ROS1: variants seen among roughly 807,000 people sequenced by gnomAD.
ROS1 encodes the protein ROS proto-oncogene 1, receptor tyrosine kinase.
Under a neutral mutation model 273.5 loss-of-function variants are expected in ROS1, and 263 were observed. The ratio of observed to expected loss-of-function variants is 0.96; its 90% CI spans 0.87 to 1.06. ROS1 has a LOEUF of 1.06. ROS1 is among the 50% of genes least tolerant of loss of function. The probability of loss-of-function intolerance (pLI) is 0.00; values close to 1 mark genes in which losing one functional copy is unlikely to be tolerated. For missense variants in ROS1, 2,833 were observed against 2,751.1 expected, an observed-to-expected ratio of 1.03 and a Z score of -0.67; for synonymous variants, 1,008 against 954.1, an observed-to-expected ratio of 1.06 and a Z score of -1.04.
rs2128550068 is a variant in ROS1 at position 117,311,110 on chromosome 6, C to A, written c.6125G>T (p.Gly2042Val). 1.9e-6 allele frequency: 3 copies of A among 1,593,922 alleles called. No individual in the cohort carries two copies. Among genetic ancestry groups the A allele is most frequent in the Non-Finnish European group, 2.6e-6 (3 of 1,169,546 alleles). The stretch of plus-strand genomic sequence containing the variant: ...AAGGTCAACCAAGGTGAGTAAAGGA[C>A]CATAAAACTGTAAGAAATGAAAGAA... ...LRKARMATFY[G>V]PLLTLVDLVD... The change falls in exon 40 of 44, where the codon GGT becomes GTT. Residue 2042 changes from glycine (G) to valine (V), a missense_variant. Coordinates refer to ENST00000368507, the MANE Select transcript of ROS1 (RefSeq NM_001378902.1).
chr6:117,404,513 C>A, intron 5 of ROS1, 85 bp from the exon 6 acceptor site: 1 of 1,259,104 alleles, frequency 7.9e-7, no homozygotes, highest in Non-Finnish European at 1.1e-6. Flanking sequence ...TAGGGCTCTC[C>A]GTATTCTCTT....
intron 5 of ROS1, 95 bp downstream of exon 5, chr6:117,409,487 C>T (rs1774719294): frequency 2.3e-6 from 2 of 856,116 alleles, no homozygotes; most frequent in African/African-American, 3.3e-5. Context: ...ATGCAGAAAT[C>T]AAGATGTTTT....
chr6:117,339,669 G>C (rs1777768995), intron 31 of ROS1, among the ~76,000 whole-genome samples: 2 of 152,100 alleles, frequency 1.3e-5, no homozygotes, highest in Non-Finnish European at 2.9e-5. Flanking sequence ...ACTCTATCTT[G>C]TATTTGCAGC....
chr6:117,418,604 C>T lies in ROS1; in HGVS notation c.124-98G>A, dbSNP rs557172379. 21 of 796,208 alleles carry T rather than the reference C, an allele frequency of 2.6e-5. No homozygotes were observed. In the African/African-American group the frequency reaches 3.1e-4, roughly 12 times the overall value. 49.3% of individuals were successfully genotyped at this position (796,208 alleles called of 1,614,324 possible). On this transcript the variant is annotated intron_variant, in intron 1 of 43. Coordinates refer to ENST00000368507, the MANE Select transcript of ROS1 (RefSeq NM_001378902.1). ...AAAGCTTCCTGAAATAACGTTGCCT[C>T]CTCCGCATTTTGTAACTCTAAAGTA...
In ROS1 at chr6:117,404,347, A is replaced by T. The variant is rs370602941; in HGVS notation, c.398T>A (p.Phe133Tyr). The change falls in exon 6 of 44, where the codon TTC (phenylalanine) becomes TAC (tyrosine). Residue 133 changes from phenylalanine (F) to tyrosine (Y), a missense_variant. Transcript: ENST00000368507. ...NMTLRWKSAN[F>Y]SGVKYIIQWK... ...CTGAATGATGTATTTTACTCCAGAGAAGTTTGCAGATTTCCATCGTAATGT... is the reference window on the plus strand; with the variant it reads ...CTGAATGATGTATTTTACTCCAGAGTAGTTTGCAGATTTCCATCGTAATGT... 1 of 1,613,876 alleles carries T rather than the reference A, an allele frequency of 6.2e-7. No homozygotes were observed. The highest frequency in any genetic ancestry group is 8.5e-7 in the Non-Finnish European group (1 of 1,179,856).
At chr6:117,321,782 A>G (rs1776307587) in intron 35 of ROS1, among the ~76,000 whole-genome samples, 1 of 151,304 alleles carries the variant, frequency 6.6e-6, no homozygotes, top group Non-Finnish European at 1.5e-5. Context: ...AGTCACATCC[A>G]GGTTATATTC....
intron 7 of ROS1, among the ~76,000 whole-genome samples, chr6:117,397,877 T>C (rs549915112): frequency 9.2e-5 from 14 of 152,298 alleles, no homozygotes; most frequent in African/African-American, 3.4e-4. Flanking sequence ...CCAGACTCTT[T>C]CTCTCCTCTT....
chr6:117,352,931 T>G, intron 27 of ROS1, 59 bp downstream of exon 27: 869 of 1,487,802 alleles, frequency 5.8e-4, no homozygotes, highest in Non-Finnish European at 7.3e-4. Flanking sequence ...GGAGATGTTA[T>G]GAGATTTTTC....
intron 7 of ROS1, among the ~76,000 whole-genome samples, chr6:117,400,719 T>A (rs937837974): frequency 3.9e-5 from 6 of 152,184 alleles, no homozygotes; most frequent in African/African-American, 1.4e-4. Context: ...CTGTCCCTCT[T>A]CTTCTTCCCA....
chr6:117,324,145 C>T (rs1776471157), intron 35 of ROS1, among the ~76,000 whole-genome samples, 187 bp downstream of exon 35: 1 of 152,012 alleles, frequency 6.6e-6, no homozygotes, highest in Admixed American at 6.6e-5. Flanking sequence ...AATAGTTATG[C>T]CTAGATCAGA....
At chr6:117,386,867 GA>G in intron 15 of ROS1, 21 bp downstream of exon 15, 1 of 1,225,036 alleles carries the variant, frequency 8.2e-7, no homozygotes, top group South Asian at 1.3e-5. Flanking sequence ...TCATTCAAGT[GA>G]ACAGAGGACT....
chr6:117,365,763 A>G, intron 19 of ROS1, 22 bp from the exon 20 acceptor site: 24 of 1,492,508 alleles, frequency 1.6e-5, no homozygotes, highest in Non-Finnish European at 2.1e-5. Context: ...AACAAAAAAA[A>G]GAAATAGGAG....
At chr6:117,320,807 C>T (rs557452849) in intron 36 of ROS1, among the ~76,000 whole-genome samples, 51 of 152,130 alleles carry the variant, frequency 3.4e-4, no homozygotes, top group African/African-American at 9.9e-4. Context: ...TTAATTATGA[C>T]GGCAACAAAA....
intron 39 of ROS1, among the ~76,000 whole-genome samples, chr6:117,316,845 A>T (rs1374893943): frequency 6.6e-6 from 1 of 152,108 alleles, no homozygotes; most frequent in Non-Finnish European, 1.5e-5. Context: ...AAGTACAGAG[A>T]TATGCCTTTC....
intron 32 of ROS1, among the ~76,000 whole-genome samples, chr6:117,336,159 T>C (rs535554511): frequency 6.6e-6 from 1 of 152,234 alleles, no homozygotes; most frequent in African/African-American, 2.4e-5. Flanking sequence ...CTCCATTCTT[T>C]TTTTCAAATT....
rs1351039722 is a variant in ROS1 at position 117,318,228 on chromosome 6, G to T, written c.5947C>A (p.Gln1983Lys). 2 of 1,612,612 alleles carry T rather than the reference G, an allele frequency of 1.2e-6. No homozygotes were observed. The highest frequency in any genetic ancestry group is 2.7e-5 in the African/African-American group (2 of 74,854). ...VKTLKKGSTD[Q>K]EKIEFLKEAH... ...TCCTTCAGGAATTCAATCTTCTCCT[G>T]GTCTGTGGAACCCTTCTTCAAAGTC... Residue 1983 changes from glutamine to lysine, a missense_variant, in exon 38 of 44, where the codon CAG (glutamine) becomes AAG (lysine). Coordinates refer to ENST00000368507, the MANE Select transcript of ROS1 (RefSeq NM_001378902.1).
intron 7 of ROS1, among the ~76,000 whole-genome samples, chr6:117,402,905 A>C (rs1164429351): frequency 2.7e-5 from 4 of 149,420 alleles, no homozygotes; most frequent in Admixed American, 6.6e-5. Context: ...AAAAAAAAAA[A>C]GAAAAGAAAA....
At chr6:117,323,506 T>C (rs957574018) in intron 35 of ROS1, among the ~76,000 whole-genome samples, 3 of 152,096 alleles carry the variant, frequency 2.0e-5, no homozygotes, top group African/African-American at 7.2e-5. Context: ...ATTCAGTGTG[T>C]TGGGGACTCT....
chr6:117,326,628 C>T (rs1776665230), intron 33 of ROS1, among the ~76,000 whole-genome samples: 1 of 152,032 alleles, frequency 6.6e-6, no homozygotes, highest in Admixed American at 6.6e-5. Flanking sequence ...ACTCAGCCCA[C>T]CAAGAAAACT....
Sources: allele counts gnomAD v4.1 joint callset (sites outside exome capture counted in the v4.1 genomes callset), GRCh38; gene constraint gnomAD v4.1.1; transcripts MANE v1.5; gene names NCBI Gene and HGNC (gene_info 2026-07-23, HGNC 2026-07-21).